Variants in ZNF723 observed in about 807,000 individuals in gnomAD.
ZNF723 encodes the protein zinc finger protein 723.
In ZNF723, 5 loss-of-function variants were observed where a neutral mutation model predicts 9.4. The ratio of observed to expected loss-of-function variants is 0.53; its 90% CI spans 0.28 to 1.12. The LOEUF (loss-of-function observed/expected upper bound fraction) is 1.12. ZNF723 is among the 50% of genes most tolerant of loss of function. The probability of loss-of-function intolerance (pLI) is 0.10; values close to 1 mark genes in which losing one functional copy is unlikely to be tolerated. For missense variants in ZNF723, 450 were observed against 501.5 expected, an observed-to-expected ratio of 0.90 and a Z score of 0.98; for synonymous variants, 158 against 168.8, an observed-to-expected ratio of 0.94 and a Z score of 0.49.
chr19:22,841,396 C>T (rs760178900), intron 1 of ZNF723, among the ~76,000 whole-genome samples: 1 of 152,168 alleles, frequency 6.6e-6, no homozygotes, highest in Non-Finnish European at 1.5e-5. Flanking sequence ...GCTTGACGAT[C>T]TCTTGAGCAG....
At chr19:22,830,311 G>A (rs892584269), upstream of ZNF723, among the ~76,000 whole-genome samples, 1 of 152,122 alleles carries the variant, frequency 6.6e-6, no homozygotes, top group Admixed American at 6.5e-5. Context: ...CTACAGGCAG[G>A]CAACATCATG....
chr19:22,845,731 C>T (rs1454817826), intron 1 of ZNF723, among the ~76,000 whole-genome samples: 3 of 137,286 alleles, frequency 2.2e-5, no homozygotes, highest in Non-Finnish European at 3.2e-5. Flanking sequence ...ACTTTTTCAG[C>T]GGGTCTTGGT....
chr19:22,833,498 C>T (rs1299791187), intron 1 of ZNF723, among the ~76,000 whole-genome samples: 5 of 151,890 alleles, frequency 3.3e-5, no homozygotes, highest in Non-Finnish European at 7.4e-5. Context: ...TCAAATGTAC[C>T]CCCCAATCCT....
chr19:22,843,066 A>T (rs1300598100), intron 1 of ZNF723, among the ~76,000 whole-genome samples: 2 of 152,212 alleles, frequency 1.3e-5, no homozygotes, highest in Non-Finnish European at 2.9e-5. Flanking sequence ...CCAGAGCCAT[A>T]ACCACAACTA....
chr19:22,846,697 C>T (rs1967313518), intron 1 of ZNF723, among the ~76,000 whole-genome samples: 1 of 151,542 alleles, frequency 6.6e-6, no homozygotes, highest in African/African-American at 2.4e-5. Flanking sequence ...CTCTAGGGTG[C>T]TCAAAAAAGA....
At position 22,858,007 on chromosome 19, in the gene ZNF723, A is replaced by G; in HGVS notation, c.1116A>G (p.Glu372=). The G allele has an allele frequency of 6.5e-7, 1 of 1,544,834 alleles. No homozygotes were observed. Among genetic ancestry groups the G allele is most frequent in the Non-Finnish European group, 8.9e-7 (1 of 1,118,106 alleles). The change falls in exon 4 of 4, where the codon GAA becomes GAG. Residue 372 remains glutamate (E), a synonymous_variant. Transcript: ENST00000600766. ...CTGGAGAGAAACCCTACAAATGTGA[A>G]GAATGTGGCAAAGCTTTTAAAGTAT... ...IHTGEKPYKC[E]ECGKAFKVSV...
At chr19:22,817,640 T>G in the ZNF723 span, among the ~76,000 whole-genome samples, 1 of 152,106 alleles carries the variant, frequency 6.6e-6, no homozygotes. Flanking sequence ...TGATGAAACT[T>G]TCTTGCTTAC....
chr19:22,827,621 G>C (rs571686630), upstream of ZNF723, among the ~76,000 whole-genome samples: 1 of 151,968 alleles, frequency 6.6e-6, no homozygotes, highest in East Asian at 2.0e-4. Context: ...TTAATTTTTA[G>C]TATTTTTAGT....
At chr19:22,822,225 G>A in the ZNF723 span, among the ~76,000 whole-genome samples, 1 of 152,342 alleles carries the variant, frequency 6.6e-6, no homozygotes, top group Non-Finnish European at 1.5e-5. Flanking sequence ...CCAACAATTA[G>A]GATTGTCACT....
At chr19:22,828,378 G>C (rs1252186304), upstream of ZNF723, among the ~76,000 whole-genome samples, 4 of 152,208 alleles carry the variant, frequency 2.6e-5, no homozygotes, top group Admixed American at 1.3e-4. Context: ...AAGTTGGCGG[G>C]GGGTGGTGGC....
the ZNF723 span, among the ~76,000 whole-genome samples, chr19:22,819,836 A>C: frequency 3.3e-5 from 5 of 152,156 alleles, no homozygotes; most frequent in African/African-American, 4.8e-5. Flanking sequence ...TAGGGTCAGC[A>C]CCTAAGTGAA....
At chr19:22,819,243 T>G in the ZNF723 span, among the ~76,000 whole-genome samples, 56,371 of 152,142 alleles carry the variant, frequency 0.37, 10,916 homozygotes, top group African/African-American at 0.5. Context: ...CTTATCTCTG[T>G]GTCCATCAAC....
intron 1 of ZNF723, among the ~76,000 whole-genome samples, chr19:22,838,603 T>C (rs1351595828): frequency 6.6e-6 from 1 of 152,092 alleles, no homozygotes. Context: ...GCATTAGTTT[T>C]CTAAGGATAA....
chr19:22,827,490 C>G (rs1967049767), upstream of ZNF723, among the ~76,000 whole-genome samples: 1 of 151,416 alleles, frequency 6.6e-6, no homozygotes, highest in South Asian at 2.1e-4. Context: ...CTCTGTAGCT[C>G]AGGCTGGAGA....
At chr19:22,843,377 T>C (rs538336120) in intron 1 of ZNF723, among the ~76,000 whole-genome samples, 2 of 152,194 alleles carry the variant, frequency 1.3e-5, no homozygotes, top group South Asian at 4.1e-4. Context: ...AAAAATTGAG[T>C]CTTCTTGTGT....
At chr19:22,837,152 G>T (rs1441804851) in intron 1 of ZNF723, among the ~76,000 whole-genome samples, 2 of 151,986 alleles carry the variant, frequency 1.3e-5, no homozygotes, top group East Asian at 1.9e-4. Context: ...AATTAGCTGG[G>T]CGTGGTGGTG....
intron 1 of ZNF723, among the ~76,000 whole-genome samples, chr19:22,837,703 G>A (rs558854906): frequency 6.6e-6 from 1 of 152,196 alleles, no homozygotes; most frequent in South Asian, 2.1e-4. Flanking sequence ...TGCCACCACA[G>A]GATTCCCACC....
upstream of ZNF723, among the ~76,000 whole-genome samples, chr19:22,830,524 TA>T (rs10713413): frequency 0.43 from 64,182 of 148,166 alleles, 15,781 homozygotes; most frequent in African/African-American, 0.7. Flanking sequence ...GGCACAAATC[TA>T]AAAAAAAAAA....
intron 1 of ZNF723, among the ~76,000 whole-genome samples, chr19:22,841,338 G>A (rs140964530): frequency 3.3e-5 from 5 of 152,298 alleles, no homozygotes; most frequent in Non-Finnish European, 7.3e-5. Context: ...ATGACATGGT[G>A]CTGTAAATTT....
Sources: allele counts gnomAD v4.1 joint callset (sites outside exome capture counted in the v4.1 genomes callset), GRCh38; gene constraint gnomAD v4.1.1; transcripts MANE v1.5; gene names NCBI Gene and HGNC (gene_info 2026-07-23, HGNC 2026-07-21).